Variants in LAD1 observed in about 807,000 individuals in gnomAD.
The protein encoded by LAD1 is ladinin-1.
LAD1 carries 53 observed loss-of-function variants against 54.2 expected under a neutral mutation model. The ratio of observed to expected loss-of-function variants is 0.98; its 90% CI spans 0.78 to 1.23. The LOEUF is 1.23. LAD1 is among the 50% of genes most tolerant of loss of function. The pLI, the probability that LAD1 is intolerant of heterozygous loss-of-function variation, is 0.00. For synonymous variants in LAD1, 231 were observed against 257.7 expected (o/e 0.90, Z 0.99); for missense variants, 637 against 653.3 (o/e 0.98, Z 0.27).
chr1:201,385,156 T>C (rs1006243955), intron 4 of LAD1, among the ~76,000 whole-genome samples: 1 of 152,180 alleles, frequency 6.6e-6, no homozygotes, highest in Non-Finnish European at 1.5e-5. Context: ...CAGTCGCTAT[T>C]GGGCCACCTC....
rs762494671 is a variant in LAD1 at position 201,386,505 on chromosome 1, C to T, written c.856G>A (p.Ala286Thr). ...DAKPAPKRAT[A>T]SEQPLAQEPP... ...TCCTGCGCCAGGGGCTGCTCTGAGG[C>T]TGTGGCCCTCTTTGGGGCCGGCTTA... Residue 286 changes from alanine to threonine, a missense_variant, in exon 3 of 10, where the codon GCC becomes ACC. Ala to Thr is a moderately conservative substitution (Grantham distance 58). Transcript: ENST00000391967. 6.3e-6 allele frequency: 10 copies of T among 1,588,840 alleles called. No individual in the cohort carries two copies. Among genetic ancestry groups the T allele is most frequent in the Non-Finnish European group, 8.6e-6 (10 of 1,169,474 alleles).
chr1:201,387,790 G>T (rs916892319), intron 2 of LAD1, among the ~76,000 whole-genome samples: 1 of 152,168 alleles, frequency 6.6e-6, no homozygotes, highest in Non-Finnish European at 1.5e-5. Flanking sequence ...CCCTTCTTGG[G>T]GGACCCAAAG....
chr1:201,389,068 G>A (rs1301083312), intron 2 of LAD1, 92 bp downstream of exon 2: 1 of 1,448,574 alleles, frequency 6.9e-7, no homozygotes, highest in Non-Finnish European at 9.4e-7. Flanking sequence ...CATTTCCTGG[G>A]CCCCAACTCC....
At chr1:201,392,781 C>T (rs1271829066) in intron 1 of LAD1, among the ~76,000 whole-genome samples, 1 of 151,032 alleles carries the variant, frequency 6.6e-6, no homozygotes, top group Non-Finnish European at 1.5e-5. Context: ...ATCTCTCTGG[C>T]TGCTGTATGA....
At position 201,381,841 on chromosome 1, in the gene LAD1, G is replaced by A. The variant is rs375919340; in HGVS notation, c.*47C>T. On this transcript the variant is annotated 3_prime_UTR_variant, in exon 10 of 10. Transcript: ENST00000391967. The stretch of plus-strand genomic sequence containing the variant: ...TGAGAGGCAGGGGCCTGGCATGAGG[G>A]AGGTCCCTTGAGACGAAGACTTGCA... The A allele has an allele frequency of 8.7e-6, 14 of 1,601,988 alleles. No individual in the cohort carries two copies. Among genetic ancestry groups the A allele is most frequent in the African/African-American group, 2.7e-5 (2 of 74,664 alleles).
chr1:201,383,312 C>T lies in LAD1; in HGVS notation c.1248+5G>A. The T allele has an allele frequency of 6.2e-7, 1 of 1,613,988 alleles. No homozygotes were observed. Among genetic ancestry groups the T allele is most frequent in the South Asian group, 1.1e-5 (1 of 91,080 alleles). ...CTCCGCCCCTCAGGAGAAGCCCCCA[C>T]CCACCCGTATGGCCGTGTGGTATCT... is the stretch of plus-strand genomic sequence containing the variant. On this transcript the variant is annotated splice_donor_5th_base_variant and intron_variant, in intron 6 of 9. Coordinates refer to ENST00000391967, the MANE Select transcript of LAD1 (RefSeq NM_005558.4).
intron 9 of LAD1, 108 bp downstream of exon 9, chr1:201,382,144 G>T: frequency 1.0e-6 from 1 of 995,944 alleles, no homozygotes; most frequent in Middle Eastern, 3.1e-4. Flanking sequence ...CGTTCTGGGT[G>T]GACTGCGCGA....
chr1:201,386,478 G>T lies in LAD1; in HGVS notation c.883C>A (p.Pro295Thr), dbSNP rs199740046. The change falls in exon 3 of 10, where the codon CCG becomes ACG. Residue 295 changes from proline to threonine, a missense_variant. By Grantham distance (38) the Pro-to-Thr change is conservative. Coordinates refer to ENST00000391967, the MANE Select transcript of LAD1 (RefSeq NM_005558.4). The part of the protein sequence containing the change: ...TASEQPLAQE[P>T]PASGGSPATT... ...GCTGGGCTTCCCCCAGAGGCTGGCG[G>T]CTCCTGCGCCAGGGGCTGCTCTGAG... The T allele has an allele frequency of 2.2e-5, 34 of 1,553,038 alleles. No individual in the cohort carries two copies. The highest frequency in any genetic ancestry group is 2.9e-5 in the Non-Finnish European group (33 of 1,155,282).
At chr1:201,389,338 G>A (rs769471345) in intron 1 of LAD1, 35 bp from the exon 2 acceptor site, 1 of 1,599,174 alleles carries the variant, frequency 6.3e-7, no homozygotes, top group Admixed American at 1.7e-5. Context: ...GCACAGCTGG[G>A]GAAACCCAGG....
chr1:201,382,585 C>A (rs1428586946), intron 8 of LAD1, 68 bp downstream of exon 8: 3 of 1,313,722 alleles, frequency 2.3e-6, no homozygotes, highest in Non-Finnish European at 3.2e-6. Flanking sequence ...CCGACTGTCC[C>A]TCCTCTGTCC....
chr1:201,398,821 G>A (rs1353272896), intron 1 of LAD1, among the ~76,000 whole-genome samples: 1 of 152,172 alleles, frequency 6.6e-6, no homozygotes, highest in Non-Finnish European at 1.5e-5. Flanking sequence ...CCTCCAAGAC[G>A]GCTCTCCCTG....
At chr1:201,385,321 CAGT>C (rs1662052112) in intron 4 of LAD1, among the ~76,000 whole-genome samples, 1 of 152,224 alleles carries the variant, frequency 6.6e-6, no homozygotes, top group South Asian at 2.1e-4. Context: ...GGGCAGGGAG[CAGT>C]AGGAGAGCCT....
intron 4 of LAD1, among the ~76,000 whole-genome samples, chr1:201,385,228 C>T (rs1662049922): frequency 6.6e-6 from 1 of 152,192 alleles, no homozygotes; most frequent in Admixed American, 6.5e-5. Flanking sequence ...ACCCAGTGAA[C>T]AGAAGAACCA....
Position 201,385,886 on chromosome 1 carries a change from C to T in LAD1, c.1027-81G>A, listed in dbSNP as rs558765514. On this transcript the variant is annotated intron_variant, in intron 3 of 9. Transcript: ENST00000391967. ...CAGCCATAAACCCCATGGCTCACCC[C>T]AGGAGCTGCAGGAAGAGGGGAGAAT... 154 of 952,626 alleles carry T rather than the reference C, an allele frequency of 1.6e-4. No homozygotes were observed. The East Asian group carries it at 3.7e-3, about 23-fold the overall frequency. 59.0% of individuals were successfully genotyped at this position (952,626 alleles called of 1,614,324 possible). A position where few individuals can be genotyped will look rare whatever the true frequency, so the allele number is the denominator to read the frequency against.
rs759226751 is a variant in LAD1, at chr1:201,383,110, C to T, written c.1350G>A (p.Ala450=). ...SKRHLFEKEL[A]GQSRAEPASS... ...AGGCTGGTTCTGCTCGGCTCTGGCC[C>T]GCCAGTTCCTTCTCAAAGAGGTGGC... Residue 450 remains alanine (A), a synonymous_variant, in exon 7 of 10, where the codon GCG becomes GCA. Coordinates refer to ENST00000391967, the MANE Select transcript of LAD1 (RefSeq NM_005558.4). 7.4e-6 allele frequency: 12 copies of T among 1,614,092 alleles called. No individual in the cohort carries two copies. In the East Asian group the frequency reaches 1.6e-4, roughly 21 times the overall value.
At chr1:201,392,435 G>A (rs867561335) in intron 1 of LAD1, among the ~76,000 whole-genome samples, 1 of 152,192 alleles carries the variant, frequency 6.6e-6, no homozygotes, top group Non-Finnish European at 1.5e-5. Context: ...TAGGACAAGG[G>A]AACAAAGTAA....
chr1:201,391,192 A>G (rs547368942), intron 1 of LAD1: 3 of 451,088 alleles, frequency 6.7e-6, no homozygotes, highest in South Asian at 4.7e-5. Flanking sequence ...GGAGCTCCAC[A>G]GATCTGGATG....
Position 201,381,888 on chromosome 1 carries a change from T to A in LAD1, c.1554A>T (p.Ter518CysextTer138). 4 of 1,613,836 alleles carry A rather than the reference T, an allele frequency of 2.5e-6. No homozygotes were observed. Among genetic ancestry groups the A allele is most frequent in the Non-Finnish European group, 3.4e-6 (4 of 1,179,864 alleles). Residue 518 changes from the stop codon to cysteine (C), a stop_lost, in exon 10 of 10, where the codon TGA becomes TGT. Transcript: ENST00000391967. ...KSDSSLDAEV[*>C] ...TGCAGGTCTGTCTTGGCGGGGCTTGTCACACCTGTGGGGCAAAGAGCTGTT... is the reference window on the plus strand; with the variant it reads ...TGCAGGTCTGTCTTGGCGGGGCTTGACACACCTGTGGGGCAAAGAGCTGTT...
chr1:201,385,687 C>T lies in LAD1; in HGVS notation c.1131+14G>A, dbSNP rs760777219. 2 of 1,598,410 alleles carry T rather than the reference C, an allele frequency of 1.3e-6. No individual in the cohort carries two copies. The highest frequency in any genetic ancestry group is 1.7e-5 in the Admixed American group (1 of 60,002). On this transcript the variant is annotated intron_variant, in intron 4 of 9. Transcript: ENST00000391967. ...CTCCAGTGGCTCGCAGACCAGGGTG[C>T]CCAGGGCTCTCACCCGAAAGGAGAT...
Sources: allele counts gnomAD v4.1 joint callset (sites outside exome capture counted in the v4.1 genomes callset), GRCh38; gene constraint gnomAD v4.1.1; transcripts MANE v1.5; gene names NCBI Gene and HGNC (gene_info 2026-07-23, HGNC 2026-07-21).